CENATAC: variants seen among roughly 807,000 people sequenced by gnomAD.
CENATAC encodes the protein coiled-coil domain containing 84.
In CENATAC, 53 loss-of-function variants were observed where a neutral mutation model predicts 53.7. The observed-to-expected ratio is 0.99, with a 90% CI of 0.79 to 1.24. CENATAC has a LOEUF of 1.24. Among genes scored for constraint, CENATAC ranks in the 50% most tolerant of loss-of-function variants. CENATAC has a pLI of 0.00. For missense variants in CENATAC, 474 were observed against 417.8 expected, an observed-to-expected ratio of 1.13 and a Z score of -1.17; for synonymous variants, 156 against 144.6, an observed-to-expected ratio of 1.08 and a Z score of -0.57.
At chr11:119,004,800 CTG>C (rs1678081819) in intron 3 of CENATAC, 1 of 153,524 alleles carries the variant, frequency 6.5e-6, no homozygotes, top group Middle Eastern at 6.7e-4. Context: ...TGGCTCATGA[CTG>C]TAATTCCAGC....
chr11:119,002,340 AG>A (rs1181846668), intron 3 of CENATAC, among the ~76,000 whole-genome samples: 1 of 143,816 alleles, frequency 7.0e-6, no homozygotes, highest in East Asian at 2.0e-4. Context: ...AATAGAAAAA[AG>A]ATTTTTTTTT....
chr11:119,006,076 T>TG (rs1942579244), intron 3 of CENATAC: 20 of 69,370 alleles, frequency 2.9e-4, no homozygotes, highest in African/African-American at 1.9e-3. Context: ...GTAGGCAGGA[T>TG]TTTTTTTTTT....
At chr11:119,013,709 C>T (rs939899391) in intron 8 of CENATAC, among the ~76,000 whole-genome samples, 9 of 151,678 alleles carry the variant, frequency 5.9e-5, no homozygotes, top group East Asian at 1.9e-4. Context: ...GTGATCCACC[C>T]GCCTCGGCCT....
intron 3 of CENATAC, chr11:119,010,520 A>G: frequency 2.0e-6 from 1 of 504,520 alleles, no homozygotes. Context: ...GTGTGTTGAA[A>G]ATAGGGTTTG....
intron 3 of CENATAC, 38 bp from the exon 4 acceptor site, chr11:119,010,726 G>T (rs370630037): frequency 3.2e-6 from 5 of 1,582,792 alleles, no homozygotes; most frequent in African/African-American, 2.7e-5. Flanking sequence ...AACTGGTGGG[G>T]AATGGGTTCT....
intron 7 of CENATAC, chr11:119,012,617 C>T (rs567678339): frequency 8.9e-5 from 17 of 190,604 alleles, no homozygotes; most frequent in Admixed American, 1.6e-4. Context: ...TGTCAACAAG[C>T]GGTCAATTTT....
chr11:119,013,566 CCATTCTCCTGCCT>C (rs1321614883), intron 8 of CENATAC, among the ~76,000 whole-genome samples: 2 of 150,934 alleles, frequency 1.3e-5, no homozygotes, highest in Non-Finnish European at 3.0e-5. Flanking sequence ...CGGGTTCACG[CCATTCTCCTGCCT>C]CAGCCTCCCA....
At chr11:119,002,053 A>G (rs1019989888) in intron 3 of CENATAC, among the ~76,000 whole-genome samples, 5 of 151,612 alleles carry the variant, frequency 3.3e-5, no homozygotes, top group African/African-American at 1.2e-4. Context: ...GTGAAACCCC[A>G]TCCCTACTAA....
intron 3 of CENATAC, among the ~76,000 whole-genome samples, chr11:119,002,065 A>G (rs1409072328): frequency 2.0e-5 from 3 of 151,674 alleles, no homozygotes; most frequent in Non-Finnish European, 4.4e-5. Flanking sequence ...CCCTACTAAA[A>G]ATACAAAAAA....
chr11:119,012,903 G>T, intron 7 of CENATAC: 1 of 266,196 alleles, frequency 3.8e-6, no homozygotes, highest in South Asian at 1.2e-4. Flanking sequence ...ATGTAAAGTT[G>T]CAAATGTAAT....
chr11:119,015,638 T>C lies in CENATAC; in HGVS notation c.*40T>C. On this transcript the variant is annotated 3_prime_UTR_variant, in exon 11 of 11. Coordinates refer to ENST00000334418, the MANE Select transcript of CENATAC (RefSeq NM_198489.3). ...AACTACCATGAGGCTAAAAGCAAAG[T>C]CAACAAACCCCTATTATACCTTCCA... The C allele has an allele frequency of 6.3e-7, 1 of 1,597,364 alleles. No homozygotes were observed. The highest frequency in any genetic ancestry group is 8.6e-7 in the Non-Finnish European group (1 of 1,165,118).
At chr11:119,005,661 C>G (rs1211867175) in intron 3 of CENATAC, 1 of 150,948 alleles carries the variant, frequency 6.6e-6, no homozygotes, top group Non-Finnish European at 1.5e-5. Flanking sequence ...TTTTTTTAAT[C>G]AGTTTCTTCT....
chr11:119,008,336 T>C (rs1173531247), intron 3 of CENATAC, among the ~76,000 whole-genome samples: 1 of 152,100 alleles, frequency 6.6e-6, no homozygotes, highest in East Asian at 1.9e-4. Context: ...GACAGCAGGG[T>C]GATAATAAGG....
intron 3 of CENATAC, among the ~76,000 whole-genome samples, chr11:119,002,240 A>G (rs952364569): frequency 1.3e-5 from 2 of 151,416 alleles, no homozygotes; most frequent in African/African-American, 2.4e-5. Flanking sequence ...AAAAAAAAAA[A>G]AAAAAAAAGA....
In CENATAC at chr11:119,002,804, A is replaced by G. The variant is rs546361091; in HGVS notation, c.383+3695A>G. Among the ~76,000 whole-genome samples the G allele has an allele frequency of 1.7e-3, 263 of 150,606 alleles. 1 individual carries two copies. The highest frequency in any genetic ancestry group is 6.0e-3 in the African/African-American group (248 of 41,042). On this transcript the variant is annotated intron_variant, in intron 3 of 10. Transcript: ENST00000334418. ...ATAGAAATATTTCAGGTTTTTTTTC[A>G]AGATGGAGTCTCGCTCTGTTGTCCA...
intron 3 of CENATAC, chr11:119,003,396 T>C (rs1445481518): frequency 2.0e-6 from 1 of 510,908 alleles, no homozygotes; most frequent in African/African-American, 2.0e-5. Flanking sequence ...TTCAGAGCCT[T>C]GCTTTGGCTT....
chr11:119,012,137 CAT>C lies in CENATAC; in HGVS notation c.579-11_579-10del, dbSNP rs1302097778. 6.2e-7 allele frequency: 1 copy of C among 1,614,178 alleles called. No homozygotes were observed. Among genetic ancestry groups the C allele is most frequent in the Admixed American group, 1.7e-5 (1 of 60,026 alleles). The stretch of plus-strand genomic sequence containing the variant: ...AAGGACCTCATCTGGCAGCCTGGCT[CAT>C]GTTTTTCAGCCAAGTAGCTTCCAGC... On this transcript the variant is annotated splice_polypyrimidine_tract_variant and intron_variant, in intron 6 of 10. Transcript: ENST00000334418.
Position 119,005,195 on chromosome 11 carries a change from G to A in CENATAC, c.384-5569G>A, listed in dbSNP as rs929797419. Among the ~76,000 whole-genome samples, 5 of 152,216 alleles carry A rather than the reference G, an allele frequency of 3.3e-5. No homozygotes were observed. In the East Asian group the frequency reaches 7.7e-4, roughly 24 times the overall value. On this transcript the variant is annotated intron_variant, in intron 3 of 10. Coordinates refer to ENST00000334418, the MANE Select transcript of CENATAC (RefSeq NM_198489.3). The stretch of plus-strand genomic sequence containing the variant: ...TAAATAAAAATTTTTGGCCGGGCAC[G>A]ATGGCTCATGCCTGTAATCCCAGCA...
chr11:119,001,583 A>T (rs1238633829), intron 3 of CENATAC: 1 of 454,210 alleles, frequency 2.2e-6, no homozygotes, highest in Non-Finnish European at 4.4e-6. Flanking sequence ...CATTCATGAC[A>T]TACCTTTTTA....
Sources: allele counts gnomAD v4.1 joint callset (sites outside exome capture counted in the v4.1 genomes callset), GRCh38; gene constraint gnomAD v4.1.1; transcripts MANE v1.5; gene names NCBI Gene and HGNC (gene_info 2026-07-23, HGNC 2026-07-21).